ATR: variants seen among roughly 807,000 people sequenced by gnomAD.
ATR encodes the protein serine/threonine-protein kinase ATR.
ATR carries 142 observed loss-of-function variants against 305.3 expected under a neutral mutation model. That is an observed-to-expected ratio of 0.47 (90% CI 0.41 to 0.53). The LOEUF (loss-of-function observed/expected upper bound fraction) is 0.53. Ranked by LOEUF, ATR falls within the 20% of genes least tolerant of loss-of-function variation. ATR has a pLI of 0.00. For missense variants in ATR, 2,135 were observed against 3,133.1 expected (o/e 0.68, Z 7.60); for synonymous variants, 1,050 against 1,068.1 (o/e 0.98, Z 0.33).
chr3:142,555,982 T>G lies in ATR; in HGVS notation c.2236A>C (p.Lys746Gln), dbSNP rs2108470882. Residue 746 changes from lysine (K) to glutamine (Q), a missense_variant, in exon 10 of 47, where the codon AAA (lysine) becomes CAA (glutamine). Transcript: ENST00000350721. ...GAACATTCATGTTGAGAAGTGGCTT[T>G]CAAGTTCCTACAGAAGAGGTCCACA... is the stretch of plus-strand genomic sequence containing the variant. Reference protein sequence around the residue: ...GHVDLFCRNLKATSQHECSSS... With the variant: ...GHVDLFCRNLQATSQHECSSS... The G allele has an allele frequency of 6.2e-7, 1 of 1,614,098 alleles. No individual in the cohort carries two copies. Among genetic ancestry groups the G allele is most frequent in the Non-Finnish European group, 8.5e-7 (1 of 1,179,998 alleles).
intron 40 of ATR, chr3:142,465,820 C>T (rs1408228399): frequency 5.8e-6 from 1 of 171,592 alleles, no homozygotes; most frequent in East Asian, 1.7e-4. Context: ...GCCTGGGCAA[C>T]ATGACGAAAC....
chr3:142,487,025 G>A (rs1029759346), intron 35 of ATR, among the ~76,000 whole-genome samples: 1 of 151,080 alleles, frequency 6.6e-6, no homozygotes, highest in Non-Finnish European at 1.5e-5. Context: ...CCAGCTACTC[G>A]GGAGGCGGAG....
At chr3:142,536,019 G>A in intron 20 of ATR, 89 bp downstream of exon 20, 2 of 923,950 alleles carry the variant, frequency 2.2e-6, no homozygotes, top group East Asian at 4.9e-5. Flanking sequence ...CCCTAGATAT[G>A]ATCCTAAAGG....
chr3:142,457,690 C>CA lies in ATR; in HGVS notation c.7568dup (p.Met2523IlefsTer15). ...AAAGACCCTCTGTTCCCATAGGACC[C>CA]ATTCCATTAACCATATTATGAGTCA... is the stretch of plus-strand genomic sequence containing the variant. On this transcript the variant is annotated frameshift_variant, in exon 45 of 47. Transcript: ENST00000350721. LOFTEE classifies it high-confidence loss of function. 1 of 1,614,050 alleles carries CA rather than the reference C, an allele frequency of 6.2e-7. No individual in the cohort carries two copies. The highest frequency in any genetic ancestry group is 8.5e-7 in the Non-Finnish European group (1 of 1,179,978).
chr3:142,531,397 C>T (rs577130750), intron 21 of ATR, among the ~76,000 whole-genome samples: 1 of 152,086 alleles, frequency 6.6e-6, no homozygotes, highest in South Asian at 2.1e-4. Context: ...TAATGCTATC[C>T]CTCCCCCAGC....
At chr3:142,503,582 A>C in intron 29 of ATR, 129 bp from the exon 30 acceptor site, 1 of 425,978 alleles carries the variant, frequency 2.3e-6, no homozygotes, top group Admixed American at 4.4e-5. Flanking sequence ...TATTATTATT[A>C]TTATTTTAAT....
At chr3:142,562,153 T>C in intron 4 of ATR, 79 bp downstream of exon 4, 1 of 1,400,156 alleles carries the variant, frequency 7.1e-7, no homozygotes, top group South Asian at 1.3e-5. Flanking sequence ...ATTTTCTTAT[T>C]ATTACATTTT....
At chr3:142,569,535 T>C (rs1227884925) in intron 1 of ATR, among the ~76,000 whole-genome samples, 8 of 152,166 alleles carry the variant, frequency 5.3e-5, no homozygotes. Context: ...TTGCCCAGGC[T>C]GGTCTCAATC....
chr3:142,494,782 G>A (rs550765966), intron 34 of ATR, among the ~76,000 whole-genome samples: 32 of 152,278 alleles, frequency 2.1e-4, no homozygotes, highest in Admixed American at 7.2e-4. Context: ...TAATCCTAAA[G>A]GTATGAAGAA....
In ATR at chr3:142,553,236, G is replaced by A. The variant is rs1180362001; in HGVS notation, c.2796C>T (p.Pro932=). 1 of 1,614,002 alleles carries A rather than the reference G, an allele frequency of 6.2e-7. No individual in the cohort carries two copies. The highest frequency in any genetic ancestry group is 8.5e-7 in the Non-Finnish European group (1 of 1,179,964). Reference sequence around the variant, plus strand: ...AAACGCTGACTCTTACCTGACAGATGGGTTTCTTATACTGGCTGAAAAAAC... The same window carrying A: ...AAACGCTGACTCTTACCTGACAGATAGGTTTCTTATACTGGCTGAAAAAAC... The part of the protein sequence containing the change: ...LQSFFSQYKK[P]ICQFLVESLH... Residue 932 remains proline, a synonymous_variant, in exon 13 of 47, where the codon CCC becomes CCT. Coordinates refer to ENST00000350721, the MANE Select transcript of ATR (RefSeq NM_001184.4).
At chr3:142,476,031 C>T (rs529354631) in intron 36 of ATR, among the ~76,000 whole-genome samples, 3 of 152,166 alleles carry the variant, frequency 2.0e-5, no homozygotes, top group South Asian at 4.1e-4. Context: ...AAATTTTCTC[C>T]CATTCTGTAA....
intron 18 of ATR, among the ~76,000 whole-genome samples, chr3:142,540,683 T>C (rs1292213664): frequency 6.6e-6 from 1 of 152,140 alleles, no homozygotes; most frequent in Non-Finnish European, 1.5e-5. Context: ...AATAGGTATG[T>C]AGGTTCATTG....
chr3:142,466,408 TG>T lies in ATR; in HGVS notation c.6812del (p.Pro2271HisfsTer44). 6.2e-7 allele frequency: 1 copy of T among 1,614,034 alleles called. No homozygotes were observed. The highest frequency in any genetic ancestry group is 8.5e-7 in the Non-Finnish European group (1 of 1,179,928). On this transcript the variant is annotated frameshift_variant, in exon 40 of 47. Transcript: ENST00000350721. LOFTEE classifies it high-confidence loss of function. ...PLQSVMIPTL[P>X]SILGTHANHA... ...GGTTAGCATGGGTACCCAGAATTGA[TG>T]GAAGTGTAGGTATCATGACTGATTG... is the stretch of plus-strand genomic sequence containing the variant.
Position 142,535,221 on chromosome 3 carries a change from A to G in ATR, c.3820-16T>C, listed in dbSNP as rs1041295507. 1 of 1,612,540 alleles carries G rather than the reference A, an allele frequency of 6.2e-7. No individual in the cohort carries two copies. Among genetic ancestry groups the G allele is most frequent in the Non-Finnish European group, 8.5e-7 (1 of 1,178,982 alleles). On this transcript the variant is annotated splice_polypyrimidine_tract_variant and intron_variant, in intron 20 of 46. Transcript: ENST00000350721. Reference sequence around the variant, plus strand: ...CAGAGGTCTCCTATATACAAAGCACAGAGAGACAGAACTTATTAATCAACT... The same window carrying G: ...CAGAGGTCTCCTATATACAAAGCACGGAGAGACAGAACTTATTAATCAACT...
chr3:142,560,088 T>C (rs1390844610), intron 6 of ATR, among the ~76,000 whole-genome samples, 175 bp downstream of exon 6: 1 of 152,206 alleles, frequency 6.6e-6, no homozygotes, highest in Non-Finnish European at 1.5e-5. Flanking sequence ...AACTAAGATA[T>C]ATACAGTGCT....
At chr3:142,573,565 T>G (rs1373936845) in intron 1 of ATR, among the ~76,000 whole-genome samples, 1 of 149,750 alleles carries the variant, frequency 6.7e-6, no homozygotes, top group African/African-American at 2.4e-5. Context: ...GCAAAACAAC[T>G]TAGTGCTATG....
intron 31 of ATR, 80 bp from the exon 32 acceptor site, chr3:142,498,854 C>A (rs2108342399): frequency 1.5e-6 from 2 of 1,364,796 alleles, no homozygotes; most frequent in South Asian, 1.2e-5. Context: ...ATAAAATGGT[C>A]AGCTGAAATA....
chr3:142,562,022 G>A (rs1285727897), intron 4 of ATR, among the ~76,000 whole-genome samples: 2 of 152,080 alleles, frequency 1.3e-5, no homozygotes, highest in Non-Finnish European at 2.9e-5. Context: ...TCCATTGGCA[G>A]TTCATTACCA....
At chr3:142,521,768 A>G (rs1035347084) in intron 23 of ATR, among the ~76,000 whole-genome samples, 3 of 152,198 alleles carry the variant, frequency 2.0e-5, no homozygotes, top group African/African-American at 7.2e-5. Context: ...TAAAACCTGA[A>G]TGGACGAGGA....
Sources: allele counts gnomAD v4.1 joint callset (sites outside exome capture counted in the v4.1 genomes callset), GRCh38; gene constraint gnomAD v4.1.1; transcripts MANE v1.5; gene names NCBI Gene and HGNC (gene_info 2026-07-23, HGNC 2026-07-21).